Variants in SLC44A1 observed in about 807,000 individuals in gnomAD.
SLC44A1 encodes solute carrier family 44 member 1.
SLC44A1 carries 26 observed loss-of-function variants against 79.3 expected under a neutral mutation model. That is an observed-to-expected ratio of 0.33 (90% CI 0.24 to 0.46). SLC44A1 has a LOEUF of 0.46. SLC44A1 is among the 20% of genes least tolerant of loss of function. The pLI is 1.00. For missense variants in SLC44A1, 688 were observed against 798.1 expected (o/e 0.86, Z 1.66); for synonymous variants, 263 against 286.2 (o/e 0.92, Z 0.82).
chr9:105,373,570 G>A (rs1828181654), intron 12 of SLC44A1, among the ~76,000 whole-genome samples: 1 of 152,200 alleles, frequency 6.6e-6, no homozygotes, highest in Admixed American at 6.5e-5. Context: ...AGAGGGAGGG[G>A]AATGTGGAGC....
intron 2 of SLC44A1, 121 bp from the exon 3 acceptor site, chr9:105,309,603 G>A (rs1831122528): frequency 1.2e-6 from 1 of 818,818 alleles, no homozygotes; most frequent in Non-Finnish European, 1.9e-6. Context: ...AGTGTTTGCA[G>A]TAAGAAAAGA....
rs1428131500 is a variant in SLC44A1 at position 105,421,623 on chromosome 9, C to T, written c.1951-16658C>T. Among the ~76,000 whole-genome samples the T allele has an allele frequency of 2.8e-5, 4 of 142,888 alleles. No individual in the cohort carries two copies. The East Asian group carries it at 8.1e-4, about 29-fold the overall frequency. 93.7% of individuals were successfully genotyped at this position (142,888 alleles called of 152,430 possible). ...TTTTTGAGACAGAGTTTCCATCTGT[C>T]GCCCAGGTAGGCAGAGTGCAGTGGC... On this transcript the variant is annotated intron_variant, in intron 15 of 15. Coordinates refer to the SLC44A1 transcript ENST00000374724.
At chr9:105,373,833 C>CT (rs1828192154) in intron 12 of SLC44A1, among the ~76,000 whole-genome samples, 1 of 152,220 alleles carries the variant, frequency 6.6e-6, no homozygotes, top group Non-Finnish European at 1.5e-5. Flanking sequence ...GAAAGAAAGC[C>CT]TTTTTTTCCC....
At chr9:105,256,604 C>T (rs1369806551) in intron 1 of SLC44A1, among the ~76,000 whole-genome samples, 2 of 150,728 alleles carry the variant, frequency 1.3e-5, no homozygotes, top group East Asian at 3.9e-4. Context: ...TCTCTGTCAC[C>T]CAGGTTGGAG....
intron 1 of SLC44A1, among the ~76,000 whole-genome samples, chr9:105,286,285 C>A (rs961284855): frequency 6.6e-6 from 1 of 152,122 alleles, no homozygotes; most frequent in Non-Finnish European, 1.5e-5. Flanking sequence ...GGGTCCTGGC[C>A]CAACTGTCTG....
chr9:105,248,143 T>C (rs1829501910), intron 1 of SLC44A1, among the ~76,000 whole-genome samples: 1 of 152,252 alleles, frequency 6.6e-6, no homozygotes, highest in African/African-American at 2.4e-5. Flanking sequence ...TCAGTTTAGC[T>C]TTTCTCAGCA....
intron 3 of SLC44A1, among the ~76,000 whole-genome samples, chr9:105,330,016 C>G (rs1826701574): frequency 6.6e-6 from 1 of 152,156 alleles, no homozygotes; most frequent in African/African-American, 2.4e-5. Flanking sequence ...CTGTAACTTA[C>G]TTGCATTCAA....
At chr9:105,363,055 C>T (rs760611501) in intron 9 of SLC44A1, 48 bp downstream of exon 9, 8 of 1,395,776 alleles carry the variant, frequency 5.7e-6, no homozygotes, top group Non-Finnish European at 7.9e-6. Flanking sequence ...GATTTGCATT[C>T]CAGTATTTTA....
intron 1 of SLC44A1, among the ~76,000 whole-genome samples, chr9:105,257,151 C>G (rs1307852709): frequency 6.6e-6 from 1 of 151,536 alleles, no homozygotes; most frequent in Non-Finnish European, 1.5e-5. Context: ...TACTGGAGTA[C>G]AGTGGCATGA....
At chr9:105,321,803 A>G (rs967089455) in intron 3 of SLC44A1, among the ~76,000 whole-genome samples, 7 of 148,684 alleles carry the variant, frequency 4.7e-5, no homozygotes, top group Non-Finnish European at 9.0e-5. Flanking sequence ...AGAGAGTTAT[A>G]GTATTTTAAT....
chr9:105,391,226 G>T lies in SLC44A1; in HGVS notation c.*2170G>T. 1.0e-6 allele frequency: 1 copy of T among 985,752 alleles called. No individual in the cohort carries two copies. Among genetic ancestry groups the T allele is most frequent in the Non-Finnish European group, 1.2e-6 (1 of 829,906 alleles). 61.1% of individuals were successfully genotyped at this position (985,752 alleles called of 1,614,324 possible). On this transcript the variant is annotated 3_prime_UTR_variant, in exon 16 of 16. Coordinates refer to ENST00000374720, the MANE Select transcript of SLC44A1 (RefSeq NM_080546.5). ...CATCCCTGCATCATGGACTGTTGCT[G>T]CTCCCTGTTCCATATGCTCGCAATC...
At chr9:105,376,649 C>G (rs904036828) in intron 13 of SLC44A1, among the ~76,000 whole-genome samples, 4 of 152,136 alleles carry the variant, frequency 2.6e-5, no homozygotes, top group Admixed American at 6.5e-5. Context: ...GCTGGGATTA[C>G]AGGCATGAGC....
intron 5 of SLC44A1, among the ~76,000 whole-genome samples, chr9:105,350,154 T>C (rs1051137139): frequency 2.6e-5 from 4 of 152,232 alleles, no homozygotes; most frequent in Non-Finnish European, 4.4e-5. Context: ...GCTGTGTTTA[T>C]GCTGTGTTTA....
chr9:105,410,911 G>C (rs1213403082), intron 15 of SLC44A1, among the ~76,000 whole-genome samples: 3 of 152,126 alleles, frequency 2.0e-5, no homozygotes, highest in Admixed American at 2.0e-4. Flanking sequence ...AAAACATGAT[G>C]CTAAGGGGAA....
intron 3 of SLC44A1, among the ~76,000 whole-genome samples, chr9:105,328,446 C>A (rs1439374955): frequency 6.6e-6 from 1 of 152,182 alleles, no homozygotes; most frequent in Non-Finnish European, 1.5e-5. Flanking sequence ...AGAAAAAGAA[C>A]ATTCCAGGCA....
intron 4 of SLC44A1, among the ~76,000 whole-genome samples, chr9:105,338,385 T>C (rs1356613686): frequency 6.6e-6 from 1 of 152,200 alleles, no homozygotes; most frequent in African/African-American, 2.4e-5. Flanking sequence ...TTTTTCCTTC[T>C]TTTGTCTTTT....
chr9:105,345,738 T>C (rs926238968), intron 4 of SLC44A1, among the ~76,000 whole-genome samples: 9 of 152,108 alleles, frequency 5.9e-5, no homozygotes, highest in African/African-American at 2.2e-4. Context: ...TTGGGGGCCA[T>C]AGCAACCATT....
intron 15 of SLC44A1, among the ~76,000 whole-genome samples, chr9:105,427,447 A>AT (rs1191415118): frequency 3.3e-5 from 5 of 151,952 alleles, no homozygotes; most frequent in East Asian, 1.9e-4. Context: ...TCTTTAACTT[A>AT]TTTTTTTATA....
intron 5 of SLC44A1, among the ~76,000 whole-genome samples, chr9:105,355,354 C>T (rs922301902): frequency 2.0e-5 from 3 of 152,078 alleles, no homozygotes; most frequent in African/African-American, 7.2e-5. Flanking sequence ...CCATATAAGC[C>T]TAATATAAAT....
Sources: allele counts gnomAD v4.1 joint callset (sites outside exome capture counted in the v4.1 genomes callset), GRCh38; gene constraint gnomAD v4.1.1; transcripts MANE v1.5; gene names NCBI Gene and HGNC (gene_info 2026-07-23, HGNC 2026-07-21).